Variants in MPPED1 observed in about 807,000 individuals in gnomAD.
MPPED1 encodes metallophosphoesterase domain-containing protein 1.
MPPED1 carries 16 observed loss-of-function variants against 36.2 expected under a neutral mutation model. That is an observed-to-expected ratio of 0.44 (90% CI 0.30 to 0.67). The LOEUF (loss-of-function observed/expected upper bound fraction) is 0.67, where lower values mean the gene tolerates loss of function less well. Among genes scored for constraint, MPPED1 ranks in the 30% least tolerant of loss-of-function variants. The pLI, the probability that MPPED1 is intolerant of heterozygous loss-of-function variation, is 0.10. For missense variants in MPPED1, 307 were observed against 453.4 expected (o/e 0.68, Z 2.93); for synonymous variants, 199 against 191.3 (o/e 1.04, Z -0.33).
At chr22:43,498,670 G>C (rs1569090752) in intron 5 of MPPED1, among the ~76,000 whole-genome samples, 2 of 151,992 alleles carry the variant, frequency 1.3e-5, no homozygotes, top group Non-Finnish European at 2.9e-5. Context: ...AAAATCACCA[G>C]AGCCCTGCAC....
In MPPED1 at chr22:43,460,621, T is replaced by C. The variant is rs188409036; in HGVS notation, c.407-14115T>C. Among the ~76,000 whole-genome samples the C allele has an allele frequency of 5.3e-5, 8 of 152,284 alleles. No individual in the cohort carries two copies. In the Middle Eastern group the frequency reaches 0.01, roughly 194 times the overall value. ...TCTGTGGTGTTTGTATTCTCTGTCA[T>C]GTGTGGCTACTAAAGTCTCTGCTTG... On this transcript the variant is annotated intron_variant, in intron 3 of 6. Transcript: ENST00000443721.
chr22:43,448,578 TTTTATTTATTTA>T (rs135048), intron 3 of MPPED1, among the ~76,000 whole-genome samples: 46,475 of 147,138 alleles, frequency 0.32, 8,255 homozygotes, highest in East Asian at 0.7. Context: ...TTTAAAATCT[TTTTATTTATTTA>T]TTTATTTATT....
chr22:43,426,492 G>C (rs1188853258), intron 2 of MPPED1, among the ~76,000 whole-genome samples: 1 of 152,214 alleles, frequency 6.6e-6, no homozygotes, highest in African/African-American at 2.4e-5. Flanking sequence ...CAGGCCCTGG[G>C]CCGCCTCTGG....
intron 4 of MPPED1, among the ~76,000 whole-genome samples, chr22:43,492,939 C>T (rs537578011): frequency 6.6e-6 from 1 of 152,300 alleles, no homozygotes; most frequent in African/African-American, 2.4e-5. Context: ...CAGGTAAAGT[C>T]CTGCTCAACA....
intron 4 of MPPED1, among the ~76,000 whole-genome samples, chr22:43,481,497 G>C (rs879305130): frequency 2.0e-5 from 3 of 152,218 alleles, no homozygotes; most frequent in African/African-American, 4.8e-5. Flanking sequence ...CCAGTACAGA[G>C]TCTGGTTCCT....
chr22:43,475,134 C>T (rs1031335725), intron 4 of MPPED1, among the ~76,000 whole-genome samples, 173 bp downstream of exon 4: 2 of 152,114 alleles, frequency 1.3e-5, no homozygotes, highest in Non-Finnish European at 2.9e-5. Context: ...GCTCTCTGGG[C>T]CTGTTTTCCC....
intron 3 of MPPED1, among the ~76,000 whole-genome samples, chr22:43,459,235 C>T (rs750456357): frequency 1.9e-4 from 29 of 152,048 alleles, no homozygotes; most frequent in African/African-American, 5.3e-4. Context: ...GTGCACACCA[C>T]GATGCCAGCT....
At chr22:43,501,909 T>C (rs1034148443) in intron 5 of MPPED1, among the ~76,000 whole-genome samples, 1 of 151,870 alleles carries the variant, frequency 6.6e-6, no homozygotes, top group Non-Finnish European at 1.5e-5. Context: ...GGCCTTTGAG[T>C]GGAAGCTTCC....
At chr22:43,470,110 C>T (rs577227300) in intron 3 of MPPED1, among the ~76,000 whole-genome samples, 16 of 91,084 alleles carry the variant, frequency 1.8e-4, no homozygotes, top group Non-Finnish European at 2.6e-4. Flanking sequence ...CATAAATCAT[C>T]CATCCATCCA....
intron 3 of MPPED1, among the ~76,000 whole-genome samples, chr22:43,468,301 G>C (rs573016463): frequency 6.6e-6 from 1 of 152,332 alleles, no homozygotes; most frequent in African/African-American, 2.4e-5. Flanking sequence ...GCTCTGAAAA[G>C]CACTAGTTTT....
intron 3 of MPPED1, among the ~76,000 whole-genome samples, chr22:43,450,832 T>G (rs1930538860): frequency 1.3e-5 from 2 of 152,256 alleles, no homozygotes; most frequent in South Asian, 4.2e-4. Flanking sequence ...GTTCAGACGA[T>G]TCTCCTGCCT....
chr22:43,427,847 GA>G (rs1224407758), intron 2 of MPPED1, among the ~76,000 whole-genome samples: 2 of 152,076 alleles, frequency 1.3e-5, no homozygotes, highest in Non-Finnish European at 2.9e-5. Context: ...GCATAGCTCG[GA>G]AAGCTGGTCC....
intron 3 of MPPED1, among the ~76,000 whole-genome samples, chr22:43,444,448 C>T (rs1930265517): frequency 1.3e-5 from 2 of 149,926 alleles, no homozygotes; most frequent in Admixed American, 6.7e-5. Flanking sequence ...CTCACTGCAA[C>T]CTCCCCCTCC....
chr22:43,428,109 G>A (rs890701400), intron 2 of MPPED1, among the ~76,000 whole-genome samples: 2 of 152,200 alleles, frequency 1.3e-5, no homozygotes, highest in African/African-American at 4.8e-5. Context: ...CTTACATCCA[G>A]TGGATGGCAG....
intron 3 of MPPED1, among the ~76,000 whole-genome samples, chr22:43,449,488 AT>A (rs1452715200): frequency 1.5e-5 from 2 of 133,786 alleles, no homozygotes; most frequent in East Asian, 4.6e-4. Context: ...GAATGCACTC[AT>A]CCCCTTATCC....
chr22:43,482,832 G>A lies in MPPED1; in HGVS notation c.632+7871G>A, dbSNP rs77257612. ...GTCGTGGCACTGGCCTTTGACGTCC[G>A]TTCCTTCCCTTCCCTTTTTGCGCTT... On this transcript the variant is annotated intron_variant, in intron 4 of 6. Coordinates refer to ENST00000443721, the MANE Select transcript of MPPED1 (RefSeq NM_001044370.2). Among the ~76,000 whole-genome samples the A allele has an allele frequency of 6.6e-4, 100 of 152,352 alleles. 1 individual carries two copies. In the East Asian group the frequency reaches 0.018, roughly 27 times the overall value.
chr22:43,459,403 TTAAC>T (rs750266201), intron 3 of MPPED1, among the ~76,000 whole-genome samples: 1 of 152,226 alleles, frequency 6.6e-6, no homozygotes, highest in Non-Finnish European at 1.5e-5. Context: ...TATTGTTTCT[TTAAC>T]TACTCTTTCT....
At chr22:43,447,172 G>A (rs754750743) in intron 3 of MPPED1, among the ~76,000 whole-genome samples, 4 of 152,140 alleles carry the variant, frequency 2.6e-5, no homozygotes, top group Admixed American at 1.3e-4. Flanking sequence ...TTCCTGTGCC[G>A]CTTCTCTCCA....
At chr22:43,466,783 C>T (rs1329452632) in intron 3 of MPPED1, among the ~76,000 whole-genome samples, 1 of 152,162 alleles carries the variant, frequency 6.6e-6, no homozygotes, top group Non-Finnish European at 1.5e-5. Context: ...ACTAGACAGT[C>T]CTAAGTCTCT....
Sources: gnomAD v4.1 joint callset for allele counts (sites outside exome capture counted in the v4.1 genomes callset) on GRCh38, gnomAD v4.1.1 for gene constraint, MANE v1.5 for transcripts, NCBI Gene and HGNC (gene_info 2026-07-23, HGNC 2026-07-21) for gene names.